ZNF248: variants seen among roughly 807,000 people sequenced by gnomAD.
ZNF248 encodes the protein zinc finger protein 248.
In ZNF248, 20 loss-of-function variants were observed where a neutral mutation model predicts 44.3. That is an observed-to-expected ratio of 0.45 (90% CI 0.32 to 0.66). The LOEUF (loss-of-function observed/expected upper bound fraction) is 0.66. ZNF248 is among the 30% of genes least tolerant of loss of function. The pLI is 0.04. For missense variants in ZNF248, 654 were observed against 677.0 expected (o/e 0.97, Z 0.38); for synonymous variants, 224 against 229.0 (o/e 0.98, Z 0.20).
chr10:37,760,625 G>T, the ZNF248 span, among the ~76,000 whole-genome samples: 1 of 152,150 alleles, frequency 6.6e-6, no homozygotes, highest in Non-Finnish European at 1.5e-5. Context: ...CACAAGGTCA[G>T]CAGCTCGAGA....
At chr10:37,822,227 TTAAA>T (rs1412660776) in intron 6 of ZNF248, among the ~76,000 whole-genome samples, 7 of 152,172 alleles carry the variant, frequency 4.6e-5, no homozygotes, top group Admixed American at 2.6e-4. Flanking sequence ...TGGAGCGGTC[TTAAA>T]TAACAGCCTT....
chr10:37,767,313 A>G, the ZNF248 span, among the ~76,000 whole-genome samples: 1 of 152,168 alleles, frequency 6.6e-6, no homozygotes, highest in African/African-American at 2.4e-5. Flanking sequence ...AGTCCAAGAC[A>G]CATAATTGTC....
chr10:37,768,613 T>C, the ZNF248 span, among the ~76,000 whole-genome samples: 8,483 of 152,208 alleles, frequency 0.056, 293 homozygotes, highest in Middle Eastern at 0.095. Context: ...CTGGGACACA[T>C]TCAAAGCAGT....
chr10:37,811,785 G>T (rs1015903388), intron 6 of ZNF248, among the ~76,000 whole-genome samples: 1 of 152,054 alleles, frequency 6.6e-6, no homozygotes, highest in African/African-American at 2.4e-5. Flanking sequence ...GGTCAAGGCT[G>T]CAAGTAAGCT....
intron 6 of ZNF248, among the ~76,000 whole-genome samples, chr10:37,792,229 G>T (rs1450789289): frequency 6.6e-6 from 1 of 152,146 alleles, no homozygotes; most frequent in African/African-American, 2.4e-5. Context: ...GGCCATGTAT[G>T]GAGACATGTA....
At chr10:37,813,237 CAGA>C (rs553858320) in intron 6 of ZNF248, among the ~76,000 whole-genome samples, 14 of 152,286 alleles carry the variant, frequency 9.2e-5, no homozygotes, top group African/African-American at 3.1e-4. Context: ...GACAGTCTGG[CAGA>C]AGGTTTCCAA....
Position 37,791,184 on chromosome 10 carries a change from G to C in ZNF248, c.331-14609C>G, listed in dbSNP as rs553095154. 1.2e-3 allele frequency among the ~76,000 whole-genome samples: 179 copies of C among 149,662 alleles called. No individual in the cohort carries two copies. In the South Asian group the frequency reaches 0.014, roughly 12 times the overall value. On this transcript the variant is annotated intron_variant, in intron 6 of 6. Transcript: ENST00000615949. ...AGCCTCCCAAGTAGCTGAGACTGCA[G>C]GCACCCGCCACCACGACCGGCTAAT...
chr10:37,855,975 A>G (rs2061218264), intron 3 of ZNF248, among the ~76,000 whole-genome samples: 1 of 152,186 alleles, frequency 6.6e-6, no homozygotes, highest in Admixed American at 6.5e-5. Flanking sequence ...TTCTCCTGAA[A>G]AGCATATGCA....
chr10:37,825,915 GGA>G (rs1564546067), downstream of ZNF248, among the ~76,000 whole-genome samples: 2 of 151,762 alleles, frequency 1.3e-5, no homozygotes. Flanking sequence ...AAAAAGGGGG[GGA>G]GAGAGAGAGA....
chr10:37,793,186 T>G (rs928900473), intron 6 of ZNF248, among the ~76,000 whole-genome samples: 3 of 151,706 alleles, frequency 2.0e-5, no homozygotes, highest in African/African-American at 7.3e-5. Flanking sequence ...ACAAAAAAAA[T>G]TACCCAGGCA....
At chr10:37,844,544 CTA>C (rs1251895382) in intron 3 of ZNF248, among the ~76,000 whole-genome samples, 1 of 152,182 alleles carries the variant, frequency 6.6e-6, no homozygotes, top group Non-Finnish European at 1.5e-5. Context: ...AATTATAAAT[CTA>C]TGTCATTCAG....
At chr10:37,802,714 G>A (rs146505938) in intron 6 of ZNF248, 34 of 152,228 alleles carry the variant, frequency 2.2e-4, no homozygotes, top group African/African-American at 6.5e-4. Flanking sequence ...GAAAACAGAC[G>A]CAGGTGCTTT....
chr10:37,816,249 C>G (rs2052441759), intron 6 of ZNF248, among the ~76,000 whole-genome samples: 2 of 152,182 alleles, frequency 1.3e-5, no homozygotes, highest in African/African-American at 4.8e-5. Flanking sequence ...CAATGAGTTA[C>G]AATAGCCGCT....
chr10:37,765,514 C>G, the ZNF248 span, among the ~76,000 whole-genome samples: 1 of 152,168 alleles, frequency 6.6e-6, no homozygotes, highest in South Asian at 2.1e-4. Flanking sequence ...TAAGTAACAC[C>G]AGTCTCCCAA....
intron 6 of ZNF248, among the ~76,000 whole-genome samples, chr10:37,812,415 C>G (rs2051665294): frequency 6.6e-6 from 1 of 152,082 alleles, no homozygotes; most frequent in Non-Finnish European, 1.5e-5. Flanking sequence ...TACTTTAGTA[C>G]AAATGCAGCT....
At position 37,829,775 on chromosome 10, in the gene ZNF248, T is replaced by C; in HGVS notation, c.*1840A>G. ...CTCTTCTCATGTCATGACAATGTTG[T>C]ATCAAGGAGATCTTTCCCAGAAGTA... is the stretch of plus-strand genomic sequence containing the variant. On this transcript the variant is annotated 3_prime_UTR_variant, in exon 6 of 6. Coordinates refer to ENST00000395867, the MANE Select transcript of ZNF248 (RefSeq NM_021045.3). 6 of 985,424 alleles carry C rather than the reference T, an allele frequency of 6.1e-6. No individual in the cohort carries two copies. Among genetic ancestry groups the C allele is most frequent in the Non-Finnish European group, 6.0e-6 (5 of 829,928 alleles). The allele number at this position is 985,424 out of a possible 1,614,324, so 61.0% of individuals were successfully genotyped here. A position where few individuals can be genotyped will look rare whatever the true frequency, so the allele number is the denominator to read the frequency against.
chr10:37,852,347 G>A (rs2060419876), intron 3 of ZNF248, among the ~76,000 whole-genome samples: 1 of 152,126 alleles, frequency 6.6e-6, no homozygotes, highest in South Asian at 2.1e-4. Flanking sequence ...AAACACCAGG[G>A]AATTGTACTG....
Position 37,830,704 on chromosome 10 carries a change from A to G in ZNF248, c.*911T>C. 3 of 698,284 alleles carry G rather than the reference A, an allele frequency of 4.3e-6. No individual in the cohort carries two copies. The highest frequency in any genetic ancestry group is 5.3e-6 in the Non-Finnish European group (3 of 567,994). 43.3% of individuals were successfully genotyped at this position (698,284 alleles called of 1,614,324 possible). A position where few individuals can be genotyped will look rare whatever the true frequency, so the allele number is the denominator to read the frequency against. On this transcript the variant is annotated 3_prime_UTR_variant, in exon 6 of 6. Coordinates refer to ENST00000395867, the MANE Select transcript of ZNF248 (RefSeq NM_021045.3). ...CAATTTCCATGGTGTAAACACTCCC[A>G]CTAAGTCCAAGCTACCAAGACAGCA...
At chr10:37,767,744 CATA>C in the ZNF248 span, among the ~76,000 whole-genome samples, 1 of 152,166 alleles carries the variant, frequency 6.6e-6, no homozygotes, top group Non-Finnish European at 1.5e-5. Flanking sequence ...CAGCTAACAT[CATA>C]ATGACAGAAT....
Sources: gnomAD v4.1 joint callset for allele counts (sites outside exome capture counted in the v4.1 genomes callset) on GRCh38, gnomAD v4.1.1 for gene constraint, MANE v1.5 for transcripts, NCBI Gene and HGNC (gene_info 2026-07-23, HGNC 2026-07-21) for gene names.